Variants in NYAP2 observed in about 807,000 individuals in gnomAD.
The protein encoded by NYAP2 is neuronal tyrosine-phosphorylated phosphoinositide-3-kinase adapter 2.
NYAP2 carries 23 observed loss-of-function variants against 50.4 expected under a neutral mutation model. The ratio of observed to expected loss-of-function variants is 0.46; its 90% CI spans 0.33 to 0.65. The LOEUF (loss-of-function observed/expected upper bound fraction) is 0.65, where lower values mean the gene tolerates loss of function less well. Among genes scored for constraint, NYAP2 ranks in the 30% least tolerant of loss-of-function variants. The probability of loss-of-function intolerance (pLI) is 0.02; values close to 1 mark genes in which losing one functional copy is unlikely to be tolerated. For synonymous variants in NYAP2, 394 were observed against 365.2 expected (o/e 1.08, Z -0.90); for missense variants, 885 against 861.0 (o/e 1.03, Z -0.35).
chr2:225,620,747 C>G (rs979010710), intron 5 of NYAP2, among the ~76,000 whole-genome samples: 1 of 152,156 alleles, frequency 6.6e-6, no homozygotes, highest in Non-Finnish European at 1.5e-5. Context: ...AAAACACACA[C>G]ACAAAATTCC....
At position 225,453,736 on chromosome 2, in the gene NYAP2, C is replaced by T. The variant is rs201187200; in HGVS notation, c.221+44635C>T. 1.2e-4 allele frequency among the ~76,000 whole-genome samples: 18 copies of T among 151,202 alleles called. No individual in the cohort carries two copies. In the East Asian group the frequency reaches 3.3e-3, roughly 28 times the overall value. ...GTGCTGGAGTGCAGTGGTGTGATCT[C>T]GGCTCACTGCAACCTCTGCCTCCCA... On this transcript the variant is annotated intron_variant, in intron 3 of 6. Transcript: ENST00000636099.
At chr2:225,484,896 G>A (rs754954794) in intron 3 of NYAP2, among the ~76,000 whole-genome samples, 3 of 152,108 alleles carry the variant, frequency 2.0e-5, no homozygotes, top group Non-Finnish European at 4.4e-5. Context: ...TGAAAACTTG[G>A]GCTTCACCCC....
exon 1 of NYAP2, chr2:225,400,131 T>G (rs1298182357): frequency 2.0e-5 from 3 of 152,110 alleles, no homozygotes; most frequent in African/African-American, 7.2e-5. Context: ...CTTCAGTTGC[T>G]TCTCCCTTTT....
At position 225,582,002 on chromosome 2, in the gene NYAP2, G is replaced by C. The variant is rs778313204; in HGVS notation, c.585G>C (p.Pro195=). ...CCAAGAAGATTCCTCCTCCCAAACC[G>C]AAGCGAAATCCGAACACTCAGCTGA... Residue 195 remains proline (P), a synonymous_variant, in exon 5 of 7, where the codon CCG becomes CCC. Transcript: ENST00000636099. This position sits in a 1 kb window ranked among gnomAD's most constrained non-coding sequence, Gnocchi z 7.0. 1 of 1,613,514 alleles carries C rather than the reference G, an allele frequency of 6.2e-7. No homozygotes were observed. The highest frequency in any genetic ancestry group is 1.1e-5 in the South Asian group (1 of 91,078).
At chr2:225,584,767 C>G (rs1410796575) in intron 5 of NYAP2, among the ~76,000 whole-genome samples, 2 of 152,062 alleles carry the variant, frequency 1.3e-5, no homozygotes, top group African/African-American at 4.8e-5. Context: ...TTTTAATTAC[C>G]TAAGTGAAAG....
intron 4 of NYAP2, among the ~76,000 whole-genome samples, chr2:225,531,328 A>G (rs1330163152): frequency 6.6e-6 from 1 of 152,074 alleles, no homozygotes; most frequent in Non-Finnish European, 1.5e-5. Context: ...TCTGCAACAA[A>G]TTTCCACTCA....
At chr2:225,672,322 C>A in the NYAP2 span, among the ~76,000 whole-genome samples, 1 of 152,276 alleles carries the variant, frequency 6.6e-6, no homozygotes, top group East Asian at 1.9e-4. Context: ...TGGCTACTTT[C>A]TTTAAACCTA....
chr2:225,505,110 T>C (rs1690682242), intron 3 of NYAP2, among the ~76,000 whole-genome samples: 1 of 152,204 alleles, frequency 6.6e-6, no homozygotes, highest in Admixed American at 6.5e-5. Flanking sequence ...GTTTTTTTCT[T>C]GTCATTTTAT....
chr2:225,429,608 TA>T, intron 3 of NYAP2, among the ~76,000 whole-genome samples: 1 of 152,240 alleles, frequency 6.6e-6, no homozygotes, highest in East Asian at 1.9e-4. Context: ...AAACTGAGGT[TA>T]ATATATTTAT....
At chr2:225,527,940 C>A (rs965890261) in intron 4 of NYAP2, among the ~76,000 whole-genome samples, 1 of 152,210 alleles carries the variant, frequency 6.6e-6, no homozygotes, top group Non-Finnish European at 1.5e-5. Flanking sequence ...AGCCACTGCA[C>A]TGGGCCTAAT....
In NYAP2 at chr2:225,449,347, G is replaced by T. The variant is rs573292830; in HGVS notation, c.221+40246G>T. Among the ~76,000 whole-genome samples, 10 of 152,256 alleles carry T rather than the reference G, an allele frequency of 6.6e-5. No homozygotes were observed. In the East Asian group the frequency reaches 1.9e-3, roughly 29 times the overall value. On this transcript the variant is annotated intron_variant, in intron 3 of 6. Transcript: ENST00000636099. The stretch of plus-strand genomic sequence containing the variant: ...CACAAAGTAAACTTCAACAAGCTTT[G>T]CAAATATGAACTCTTATAATGTGAT...
At chr2:225,662,962 G>T in the NYAP2 span, among the ~76,000 whole-genome samples, 1 of 152,122 alleles carries the variant, frequency 6.6e-6, no homozygotes, top group African/African-American at 2.4e-5. Flanking sequence ...CAAGTATTTT[G>T]ATTTCTACCT....
chr2:225,476,598 T>C (rs1028396618), intron 3 of NYAP2, among the ~76,000 whole-genome samples: 3 of 152,122 alleles, frequency 2.0e-5, no homozygotes, highest in Non-Finnish European at 4.4e-5. Flanking sequence ...ATTATCATTT[T>C]CTCTATCACT....
At chr2:225,632,189 A>G (rs1284310503) in intron 6 of NYAP2, among the ~76,000 whole-genome samples, 1 of 152,168 alleles carries the variant, frequency 6.6e-6, no homozygotes. Context: ...TAGGTACATC[A>G]AGAGGGAGTT....
intron 3 of NYAP2, among the ~76,000 whole-genome samples, chr2:225,453,951 A>G (rs1200063690): frequency 6.6e-6 from 1 of 150,452 alleles, no homozygotes; most frequent in African/African-American, 2.5e-5. Context: ...TGCTGGGATT[A>G]TAGGTGTGAG....
chr2:225,606,253 T>C, intron 5 of NYAP2, among the ~76,000 whole-genome samples: 1 of 152,148 alleles, frequency 6.6e-6, no homozygotes, highest in East Asian at 1.9e-4. Flanking sequence ...TGCGGTGCTA[T>C]GACTGGGACT....
chr2:225,564,186 T>G (rs568333352), intron 4 of NYAP2, among the ~76,000 whole-genome samples: 1 of 152,192 alleles, frequency 6.6e-6, no homozygotes, highest in South Asian at 2.1e-4. Context: ...GTTGCTTCTG[T>G]GTGGCCCACT....
At chr2:225,629,911 G>C (rs370116705) in intron 6 of NYAP2, among the ~76,000 whole-genome samples, 1 of 152,164 alleles carries the variant, frequency 6.6e-6, no homozygotes, top group African/African-American at 2.4e-5. Flanking sequence ...GTTTTCGTGA[G>C]AACAAGCCAT....
At chr2:225,542,378 C>T (rs1004457175) in intron 4 of NYAP2, among the ~76,000 whole-genome samples, 8 of 152,052 alleles carry the variant, frequency 5.3e-5, no homozygotes, top group African/African-American at 1.9e-4. Context: ...TAGATTGTCC[C>T]CATTCAGTAT....
Sources: gnomAD v4.1 joint callset for allele counts (sites outside exome capture counted in the v4.1 genomes callset) on GRCh38, gnomAD v4.1.1 for gene constraint, Gnocchi (gnomAD v3.1) non-coding constraint, MANE v1.5 for transcripts, NCBI Gene and HGNC (gene_info 2026-07-23, HGNC 2026-07-21) for gene names.